The following NXPH2 variants were observed in gnomAD, a reference collection of about 807,000 sequenced individuals.
NXPH2 encodes the protein neurexophilin-2.
NXPH2 carries 5 observed loss-of-function variants against 19.8 expected under a neutral mutation model. That is an observed-to-expected ratio of 0.25 (90% CI 0.13 to 0.53). NXPH2 has a LOEUF of 0.53. Among genes scored for constraint, NXPH2 ranks in the 20% least tolerant of loss-of-function variants. The pLI is 0.96. For missense variants in NXPH2, 289 were observed against 322.8 expected, an observed-to-expected ratio of 0.90 and a Z score of 0.80; for synonymous variants, 154 against 127.4, an observed-to-expected ratio of 1.21 and a Z score of -1.41.
chr2:138,672,097 G>C (rs866080319), intron 1 of NXPH2, among the ~76,000 whole-genome samples: 2 of 152,120 alleles, frequency 1.3e-5, no homozygotes, highest in Non-Finnish European at 2.9e-5. Flanking sequence ...ATATTGATAA[G>C]TCTTAAGTAT....
At position 138,720,523 on chromosome 2, in the gene NXPH2, T is replaced by A. The variant is rs147863916; in HGVS notation, c.52-48858A>T. On this transcript the variant is annotated intron_variant, in intron 1 of 1. Transcript: ENST00000272641. ...GTTGGTGTGAAGACGTAATTGACAG[T>A]CATAAATTAAATCTATTTATGTCAC... 2.7e-3 allele frequency among the ~76,000 whole-genome samples: 414 copies of A among 152,308 alleles called. 5 individuals carry two copies. The highest frequency in any genetic ancestry group is 9.4e-3 in the African/African-American group (389 of 41,572).
At chr2:138,732,417 T>C (rs539147054) in intron 1 of NXPH2, among the ~76,000 whole-genome samples, 14 of 152,250 alleles carry the variant, frequency 9.2e-5, no homozygotes, top group Admixed American at 7.8e-4. Context: ...GGAGGACAAG[T>C]AGAAACACTG....
At chr2:138,711,369 G>A (rs1438733453) in intron 1 of NXPH2, among the ~76,000 whole-genome samples, 1 of 151,764 alleles carries the variant, frequency 6.6e-6, no homozygotes, top group Non-Finnish European at 1.5e-5. Flanking sequence ...TTGATCTCCT[G>A]ACCTCAAGCA....
At position 138,780,345 on chromosome 2, in the gene NXPH2, CG is replaced by C; in HGVS notation, c.-105del. 1 of 794,002 alleles carries C rather than the reference CG, an allele frequency of 1.3e-6. No homozygotes were observed. The highest frequency in any genetic ancestry group is 1.9e-5 in the African/African-American group (1 of 52,898). 49.2% of individuals were successfully genotyped at this position (794,002 alleles called of 1,614,324 possible). ...TGAGGACGCCAGGGACACAGCGCGG[CG>C]CTTCCCTCCCGGAATCCGAGCGCTG... On this transcript the variant is annotated 5_prime_UTR_variant, in exon 1 of 2. Transcript: ENST00000272641.
At position 138,780,308 on chromosome 2, in the gene NXPH2, G is replaced by C. The variant is rs1047122069; in HGVS notation, c.-67C>G. ...CCTGCCTCTCGCGCATCTCCACTTC[G>C]CGGGGCAGGACTGAGGACGCCAGGG... On this transcript the variant is annotated 5_prime_UTR_variant, in exon 1 of 2. Coordinates refer to ENST00000272641, the MANE Select transcript of NXPH2 (RefSeq NM_007226.3). 2.2e-6 allele frequency: 3 copies of C among 1,333,366 alleles called. No individual in the cohort carries two copies. In the East Asian group the frequency reaches 9.1e-5, roughly 41 times the overall value. 82.6% of individuals were successfully genotyped at this position (1,333,366 alleles called of 1,614,324 possible). A position where few individuals can be genotyped will look rare whatever the true frequency, so the allele number is the denominator to read the frequency against.
chr2:138,679,902 G>A (rs1336896485), intron 1 of NXPH2, among the ~76,000 whole-genome samples: 1 of 152,046 alleles, frequency 6.6e-6, no homozygotes, highest in East Asian at 1.9e-4. Context: ...TTCTAACATT[G>A]TACTGGCTAA....
At chr2:138,690,409 C>T (rs1321335369) in intron 1 of NXPH2, among the ~76,000 whole-genome samples, 1 of 152,126 alleles carries the variant, frequency 6.6e-6, no homozygotes, top group Admixed American at 6.5e-5. Flanking sequence ...CAGGCCATGT[C>T]CCTCCACTGT....
intron 1 of NXPH2, among the ~76,000 whole-genome samples, chr2:138,699,525 A>C (rs1355223075): frequency 1.3e-5 from 2 of 152,128 alleles, no homozygotes; most frequent in African/African-American, 4.8e-5. Context: ...CTGTGAAAGC[A>C]GCATCCGGCA....
chr2:138,670,854 C>T lies in NXPH2; in HGVS notation c.*68G>A. On this transcript the variant is annotated 3_prime_UTR_variant, in exon 2 of 2. Transcript: ENST00000272641. ...AAAAGGGATCCTTTATCATAAAGAG[C>T]TGGGCTTGTTTCTTTGTCATTCTAA... 2.0e-6 allele frequency: 3 copies of T among 1,490,498 alleles called. No homozygotes were observed. The South Asian group carries it at 4.0e-5, about 20-fold the overall frequency. The allele number at this position is 1,490,498 out of a possible 1,614,324, so 92.3% of individuals were successfully genotyped here.
chr2:138,713,902 A>T (rs189300598), intron 1 of NXPH2, among the ~76,000 whole-genome samples: 56 of 152,230 alleles, frequency 3.7e-4, no homozygotes, highest in Admixed American at 3.5e-3. Flanking sequence ...GATAAATATT[A>T]GTTCCTATTG....
chr2:138,771,560 T>A (rs562346186), intron 1 of NXPH2, among the ~76,000 whole-genome samples: 1 of 152,202 alleles, frequency 6.6e-6, no homozygotes, highest in Admixed American at 6.5e-5. Context: ...GCTATTGATT[T>A]AAAACAGAAG....
intron 1 of NXPH2, among the ~76,000 whole-genome samples, chr2:138,702,302 A>C (rs1573959542): frequency 2.0e-5 from 3 of 152,250 alleles, no homozygotes; most frequent in South Asian, 2.1e-4. Context: ...GATTTTTTGT[A>C]GAGACAGGAA....
At chr2:138,683,889 C>T (rs1680611913) in intron 1 of NXPH2, among the ~76,000 whole-genome samples, 1 of 152,088 alleles carries the variant, frequency 6.6e-6, no homozygotes, top group Non-Finnish European at 1.5e-5. Context: ...TAAATATTCA[C>T]AGTGTATTGG....
intron 1 of NXPH2, among the ~76,000 whole-genome samples, chr2:138,757,881 T>A (rs2104837256): frequency 6.6e-6 from 1 of 152,204 alleles, no homozygotes; most frequent in South Asian, 2.1e-4. Context: ...CTGGTTCCAC[T>A]TGCTTGGTTG....
chr2:138,705,600 T>C (rs1035667624), intron 1 of NXPH2, among the ~76,000 whole-genome samples: 6 of 152,198 alleles, frequency 3.9e-5, no homozygotes, highest in Non-Finnish European at 8.8e-5. Context: ...ACACTATCAC[T>C]GCCAAGTTGG....
chr2:138,777,055 CGT>C (rs141031318), intron 1 of NXPH2, among the ~76,000 whole-genome samples: 9,408 of 151,872 alleles, frequency 0.062, 1,021 homozygotes, highest in African/African-American at 0.22. Flanking sequence ...TTATCTTAAA[CGT>C]TAGCTAATCA....
chr2:138,711,936 T>C (rs956376477), intron 1 of NXPH2, among the ~76,000 whole-genome samples: 25 of 152,214 alleles, frequency 1.6e-4, no homozygotes, highest in Admixed American at 6.5e-4. Flanking sequence ...ATGTTTAGTT[T>C]CATCTAAAGA....
At chr2:138,756,300 T>C (rs1340272715) in intron 1 of NXPH2, among the ~76,000 whole-genome samples, 1 of 152,136 alleles carries the variant, frequency 6.6e-6, no homozygotes, top group East Asian at 1.9e-4. Context: ...GGCCAAGATA[T>C]GTTTCCCTCA....
chr2:138,706,283 T>C (rs1441406545), intron 1 of NXPH2, among the ~76,000 whole-genome samples: 1 of 152,236 alleles, frequency 6.6e-6, no homozygotes, highest in East Asian at 1.9e-4. Context: ...CTTAAGGAAT[T>C]AAGTTGGCAG....
Sources: gnomAD v4.1 joint callset for allele counts (sites outside exome capture counted in the v4.1 genomes callset) on GRCh38, gnomAD v4.1.1 for gene constraint, MANE v1.5 for transcripts, NCBI Gene and HGNC (gene_info 2026-07-23, HGNC 2026-07-21) for gene names.